Variants in INPP4B observed in about 807,000 individuals in gnomAD.
INPP4B encodes the protein inositol polyphosphate 4-phosphatase type II.
INPP4B carries 55 observed loss-of-function variants against 122.5 expected under a neutral mutation model. The observed-to-expected ratio is 0.45, with a 90% confidence interval of 0.36 to 0.56. INPP4B has a LOEUF of 0.56. Ranked by LOEUF, INPP4B falls within the 20% of genes least tolerant of loss-of-function variation. The pLI is 0.00. For missense variants in INPP4B, 1,000 were observed against 1,097.7 expected (o/e 0.91, Z 1.26); for synonymous variants, 403 against 388.7 (o/e 1.04, Z -0.43).
chr4:142,611,476 T>C (rs1023665633), intron 2 of INPP4B, among the ~76,000 whole-genome samples: 14 of 152,068 alleles, frequency 9.2e-5, no homozygotes, highest in Admixed American at 9.2e-4. Context: ...GTATATAACA[T>C]ACTCATAACT....
chr4:142,672,435 G>A (rs894191086), intron 2 of INPP4B, among the ~76,000 whole-genome samples: 6 of 151,950 alleles, frequency 3.9e-5, no homozygotes, highest in African/African-American at 1.4e-4. Flanking sequence ...GTGTTTGTTT[G>A]TTTGTTTGTT....
At chr4:142,182,180 G>T (rs970396735) in intron 15 of INPP4B, among the ~76,000 whole-genome samples, 2 of 152,020 alleles carry the variant, frequency 1.3e-5, no homozygotes, top group Non-Finnish European at 2.9e-5. Flanking sequence ...CTCAATCGTT[G>T]GTCCTTGGTA....
At chr4:142,555,541 AG>A (rs958203015) in intron 2 of INPP4B, among the ~76,000 whole-genome samples, 21 of 152,284 alleles carry the variant, frequency 1.4e-4, no homozygotes, top group Non-Finnish European at 2.6e-4. Context: ...TAACTTTCAT[AG>A]GGTGAGGACT....
intron 2 of INPP4B, among the ~76,000 whole-genome samples, chr4:142,613,461 A>C (rs529714145): frequency 6.6e-6 from 1 of 152,318 alleles, no homozygotes; most frequent in South Asian, 2.1e-4. Flanking sequence ...TCTGGAAATC[A>C]ATAGAATTTC....
intron 8 of INPP4B, among the ~76,000 whole-genome samples, chr4:142,310,751 C>A (rs1765230411): frequency 6.6e-6 from 1 of 150,454 alleles, no homozygotes; most frequent in Non-Finnish European, 1.5e-5. Flanking sequence ...AGAAAAAGAC[C>A]AAGTGAACTA....
chr4:142,143,355 T>C (rs943063472), intron 18 of INPP4B, among the ~76,000 whole-genome samples: 14 of 2,144 alleles, frequency 6.5e-3, no homozygotes, highest in East Asian at 0.17. Context: ...TATATAAGCA[T>C]CTGTACTGAG....
intron 1 of INPP4B, among the ~76,000 whole-genome samples, chr4:142,836,270 CACACAA>C (rs1297309438): frequency 6.6e-6 from 1 of 151,798 alleles, no homozygotes; most frequent in East Asian, 1.9e-4. Context: ...TTAAAAGGGG[CACACAA>C]ACACACACAC....
intron 23 of INPP4B, among the ~76,000 whole-genome samples, chr4:142,089,081 G>A (rs1265113389): frequency 6.6e-6 from 1 of 152,162 alleles, no homozygotes; most frequent in African/African-American, 2.4e-5. Context: ...GCAGAAACAC[G>A]GAGTGTGCAG....
intron 3 of INPP4B, among the ~76,000 whole-genome samples, chr4:142,448,275 C>G (rs2149488322): frequency 8.5e-6 from 1 of 118,182 alleles, no homozygotes; most frequent in South Asian, 2.9e-4. Context: ...TTTTGGTTTC[C>G]AAACAGTGCT....
chr4:142,261,485 C>A (rs1739960453), intron 10 of INPP4B, among the ~76,000 whole-genome samples: 1 of 152,012 alleles, frequency 6.6e-6, no homozygotes, highest in South Asian at 2.1e-4. Context: ...CAGAAGAAAG[C>A]AAACATACAC....
intron 12 of INPP4B, among the ~76,000 whole-genome samples, chr4:142,214,109 A>G (rs1846047778): frequency 6.6e-6 from 1 of 152,192 alleles, no homozygotes; most frequent in South Asian, 2.1e-4. Flanking sequence ...ATCAATACCA[A>G]GTTCTCAATG....
chr4:142,255,414 T>G (rs1441476210), intron 11 of INPP4B, among the ~76,000 whole-genome samples: 3 of 152,070 alleles, frequency 2.0e-5, no homozygotes, highest in Non-Finnish European at 4.4e-5. Flanking sequence ...ACTGGCAAAT[T>G]GGATAAAGAG....
intron 1 of INPP4B, among the ~76,000 whole-genome samples, chr4:142,789,489 CA>C (rs1776232827): frequency 6.6e-6 from 1 of 151,840 alleles, no homozygotes; most frequent in Admixed American, 6.6e-5. Flanking sequence ...ACAATAGCTT[CA>C]AAAAAATACT....
intron 21 of INPP4B, among the ~76,000 whole-genome samples, chr4:142,119,413 T>C (rs1795431163): frequency 6.6e-6 from 1 of 152,044 alleles, no homozygotes. Context: ...CCATCAATGA[T>C]AGAATGCATT....
chr4:142,680,740 T>C (rs1387855152), intron 2 of INPP4B, among the ~76,000 whole-genome samples: 1 of 151,860 alleles, frequency 6.6e-6, no homozygotes, highest in Non-Finnish European at 1.5e-5. Flanking sequence ...AAAATATCCT[T>C]TCCACCAACT....
At chr4:142,393,458 T>C (rs1046672106) in intron 7 of INPP4B, among the ~76,000 whole-genome samples, 1 of 152,202 alleles carries the variant, frequency 6.6e-6, no homozygotes, top group African/African-American at 2.4e-5. Flanking sequence ...TTCAAGTCCT[T>C]GCTCCCACCT....
intron 2 of INPP4B, among the ~76,000 whole-genome samples, chr4:142,651,794 C>A (rs1753019697): frequency 6.6e-6 from 1 of 152,162 alleles, no homozygotes; most frequent in African/African-American, 2.4e-5. Context: ...ATGAGATGTA[C>A]ATAGAGGAGC....
rs553629834 is a variant in INPP4B, at chr4:142,582,912, C to T, written c.-190-120186G>A. ...TTTGGCATTTTGCTTACTGCATGTCCTGTTATTGATGCTCAACCAATGTAT... is the reference window on the plus strand; with the variant it reads ...TTTGGCATTTTGCTTACTGCATGTCTTGTTATTGATGCTCAACCAATGTAT... On this transcript the variant is annotated intron_variant, in intron 2 of 25. Coordinates refer to ENST00000262992, the MANE Select transcript of INPP4B (RefSeq NM_001101669.3). Among the ~76,000 whole-genome samples, 6 of 152,228 alleles carry T rather than the reference C, an allele frequency of 3.9e-5. No individual in the cohort carries two copies. The South Asian group carries it at 1.0e-3, about 26-fold the overall frequency.
intron 5 of INPP4B, among the ~76,000 whole-genome samples, chr4:142,413,086 C>T (rs1307490307): frequency 3.3e-5 from 5 of 152,090 alleles, no homozygotes; most frequent in African/African-American, 9.7e-5. Context: ...GACCATGCAT[C>T]GCTGCCAACA....
Sources: allele counts gnomAD v4.1 joint callset (sites outside exome capture counted in the v4.1 genomes callset), GRCh38; gene constraint gnomAD v4.1.1; transcripts MANE v1.5; gene names NCBI Gene and HGNC (gene_info 2026-07-23, HGNC 2026-07-21).